EVA1A: variants seen among roughly 807,000 people sequenced by gnomAD.
The protein encoded by EVA1A is protein eva-1 homolog A.
A neutral mutation model predicts 9.8 loss-of-function variants in EVA1A; 7 were observed. That is an observed-to-expected ratio of 0.71 (90% confidence interval 0.41 to 1.34). The LOEUF is 1.34. EVA1A is among the 40% of genes most tolerant of loss of function. The probability of loss-of-function intolerance (pLI) is 0.01; values close to 1 mark genes in which losing one functional copy is unlikely to be tolerated. For synonymous variants in EVA1A, 90 were observed against 85.6 expected (o/e 1.05, Z -0.28); for missense variants, 206 against 205.9 (o/e 1.00, Z 0.00).
chr2:75,557,247 T>A (rs1380802406), intron 1 of EVA1A, among the ~76,000 whole-genome samples: 1 of 152,198 alleles, frequency 6.6e-6, no homozygotes, highest in Non-Finnish European at 1.5e-5. Flanking sequence ...GCAAGTGGGC[T>A]CGGTTTTCAA....
chr2:75,549,325 G>C (rs1301193895), intron 1 of EVA1A, among the ~76,000 whole-genome samples: 1 of 152,122 alleles, frequency 6.6e-6, no homozygotes, highest in African/African-American at 2.4e-5. Flanking sequence ...AACCACATTT[G>C]TGCGGAGCCA....
chr2:75,495,131 C>G (rs1007788918), intron 3 of EVA1A, among the ~76,000 whole-genome samples: 7 of 152,146 alleles, frequency 4.6e-5, no homozygotes, highest in African/African-American at 1.7e-4. Flanking sequence ...TTATATCATT[C>G]TTATGCCTTT....
At chr2:75,549,872 C>T (rs1384729079) in intron 1 of EVA1A, among the ~76,000 whole-genome samples, 6 of 152,146 alleles carry the variant, frequency 3.9e-5, no homozygotes, top group African/African-American at 1.4e-4. Context: ...AGCAAAGATG[C>T]CATTTCAACC....
At chr2:75,506,043 C>A (rs576758106) in intron 3 of EVA1A, among the ~76,000 whole-genome samples, 1 of 152,130 alleles carries the variant, frequency 6.6e-6, no homozygotes. Flanking sequence ...TTCACATGTA[C>A]ACAGCATATA....
chr2:75,506,309 CATACTATT>C (rs1288857826), intron 3 of EVA1A, among the ~76,000 whole-genome samples: 4 of 152,210 alleles, frequency 2.6e-5, no homozygotes. Context: ...AAACAGGATA[CATACTATT>C]ATAGCTCTTG....
chr2:75,540,082 C>A (rs530257815), intron 1 of EVA1A, among the ~76,000 whole-genome samples: 23 of 152,350 alleles, frequency 1.5e-4, no homozygotes, highest in African/African-American at 5.0e-4. Flanking sequence ...GTGCAGCAAC[C>A]TTCCTCTAGA....
chr2:75,495,897 G>A (rs1471102644), intron 3 of EVA1A, among the ~76,000 whole-genome samples: 1 of 152,108 alleles, frequency 6.6e-6, no homozygotes, highest in East Asian at 1.9e-4. Flanking sequence ...CTCCTTTGTT[G>A]GTTGTCTTTT....
At chr2:75,514,037 C>T (rs541489848) in intron 3 of EVA1A, among the ~76,000 whole-genome samples, 3 of 152,170 alleles carry the variant, frequency 2.0e-5, no homozygotes, top group South Asian at 2.1e-4. Context: ...TCATCACATC[C>T]GAATTTTGGA....
chr2:75,512,878 C>T (rs1388976251), intron 3 of EVA1A, among the ~76,000 whole-genome samples: 1 of 152,106 alleles, frequency 6.6e-6, no homozygotes, highest in African/African-American at 2.4e-5. Flanking sequence ...CCAGAAGTCC[C>T]CTTGCAGAGC....
At chr2:75,562,811 C>T (rs1358010875), upstream of EVA1A, among the ~76,000 whole-genome samples, 1 of 152,154 alleles carries the variant, frequency 6.6e-6, no homozygotes, top group East Asian at 1.9e-4. Context: ...CAGCCCTGTA[C>T]GAATATCAGA....
Position 75,555,301 on chromosome 2 carries a change from ATCTCTCTCTC to A in EVA1A, c.-192+5369_-192+5378del, listed in dbSNP as rs58092436. On this transcript the variant is annotated intron_variant, in intron 1 of 3. Coordinates refer to ENST00000393913, the MANE Select transcript of EVA1A (RefSeq NM_001135032.2). ...AAACAGACTTTAGCATCAAAACTCA[ATCTCTCTCTC>A]TCTCTCTCTCTCTCTCTCTCTCTCT... Among the ~76,000 whole-genome samples, 21 of 57,210 alleles carry A rather than the reference ATCTCTCTCTC, an allele frequency of 3.7e-4. No homozygotes were observed. The East Asian group carries it at 9.4e-3, about 26-fold the overall frequency. The allele number at this position is 57,210 out of a possible 152,430, so 37.5% of individuals were successfully genotyped here.
chr2:75,549,435 G>A (rs1276162721), intron 1 of EVA1A, among the ~76,000 whole-genome samples: 9 of 152,124 alleles, frequency 5.9e-5, no homozygotes, highest in Non-Finnish European at 1.0e-4. Flanking sequence ...TCCCTCTGAT[G>A]GAAGAAAGAG....
chr2:75,566,288 T>C (rs557152157), intron 1 of EVA1A, among the ~76,000 whole-genome samples: 3 of 152,320 alleles, frequency 2.0e-5, no homozygotes, highest in African/African-American at 7.2e-5. Context: ...ATGTTGACAG[T>C]TATACCCCCT....
intron 1 of EVA1A, among the ~76,000 whole-genome samples, chr2:75,557,392 T>C (rs1250342028): frequency 6.6e-6 from 1 of 152,192 alleles, no homozygotes; most frequent in Non-Finnish European, 1.5e-5. Context: ...CAACACCCCA[T>C]ATGGGTCATT....
intron 1 of EVA1A, among the ~76,000 whole-genome samples, chr2:75,523,384 T>C (rs1000819259): frequency 1.3e-5 from 2 of 152,176 alleles, no homozygotes; most frequent in Non-Finnish European, 2.9e-5. Flanking sequence ...TCTACACTGG[T>C]GAAAACTATC....
intron 2 of EVA1A, among the ~76,000 whole-genome samples, chr2:75,522,071 T>C (rs1473801432): frequency 2.6e-5 from 4 of 152,200 alleles, no homozygotes; most frequent in Non-Finnish European, 1.5e-5. Flanking sequence ...AATTGGATTG[T>C]AAATAAGTGT....
intron 1 of EVA1A, among the ~76,000 whole-genome samples, chr2:75,555,304 T>TCTCC (rs1553421950): frequency 8.3e-6 from 1 of 119,860 alleles, no homozygotes; most frequent in Non-Finnish European, 1.9e-5. Flanking sequence ...AAACTCAATC[T>TCTCC]CTCTCTCTCT....
intron 3 of EVA1A, among the ~76,000 whole-genome samples, chr2:75,501,741 A>C (rs907926911): frequency 1.3e-5 from 2 of 152,172 alleles, no homozygotes; most frequent in African/African-American, 4.8e-5. Context: ...CTCTGCTCTC[A>C]TGGATAGAGG....
intron 1 of EVA1A, among the ~76,000 whole-genome samples, chr2:75,541,566 G>T (rs1676119587): frequency 6.6e-6 from 1 of 152,158 alleles, no homozygotes; most frequent in African/African-American, 2.4e-5. Context: ...ATCAAGGTGG[G>T]CTGGTCCTAA....
Sources: allele counts gnomAD v4.1 joint callset (sites outside exome capture counted in the v4.1 genomes callset), GRCh38; gene constraint gnomAD v4.1.1; transcripts MANE v1.5; gene names NCBI Gene and HGNC (gene_info 2026-07-23, HGNC 2026-07-21).